The following IL1RAPL1 variants were observed in gnomAD, a reference collection of about 807,000 sequenced individuals.
IL1RAPL1 encodes the protein interleukin 1 receptor accessory protein like 1.
In IL1RAPL1, 3 loss-of-function variants were observed where a neutral mutation model predicts 48.4. The observed-to-expected ratio is 0.06, with a 90% CI of 0.03 to 0.16. The LOEUF (loss-of-function observed/expected upper bound fraction) is 0.16. Ranked by LOEUF, IL1RAPL1 falls within the 10% of genes least tolerant of loss-of-function variation. IL1RAPL1 has a pLI of 1.00. For missense variants in IL1RAPL1, 349 were observed against 530.6 expected (o/e 0.66, Z 3.36); for synonymous variants, 185 against 187.7 (o/e 0.99, Z 0.12).
In IL1RAPL1 at chrX:29,561,740, G is replaced by A. The variant is rs139664126; in HGVS notation, c.704-106690G>A. ...GGATCATTTTTTTCTCCCATGGTGC[G>A]TTGGGACCTCTCCCCTGGTCCCTGG... On this transcript the variant is annotated intron_variant, in intron 5 of 10. Coordinates refer to ENST00000378993, the MANE Select transcript of IL1RAPL1 (RefSeq NM_014271.4). Among the ~76,000 whole-genome samples, 76 of 111,185 alleles carry A rather than the reference G, an allele frequency of 6.8e-4. No homozygotes were observed. The East Asian group carries it at 6.9e-3, about 10-fold the overall frequency.
intron 2 of IL1RAPL1, among the ~76,000 whole-genome samples, chrX:29,073,212 A>T (rs1015127120): frequency 1.8e-5 from 2 of 112,359 alleles, no homozygotes; most frequent in African/African-American, 3.2e-5. Context: ...AATCTTAATC[A>T]TATTACATTA....
At chrX:29,658,643 C>T (rs1472443383) in intron 5 of IL1RAPL1, among the ~76,000 whole-genome samples, 6 of 111,777 alleles carry the variant, frequency 5.4e-5, no homozygotes, top group African/African-American at 2.0e-4. Flanking sequence ...ATAAGCAGGA[C>T]CCCGATTGTA....
chrX:28,867,461 C>T (rs1922104826), intron 2 of IL1RAPL1, among the ~76,000 whole-genome samples: 2 of 111,656 alleles, frequency 1.8e-5, no homozygotes, highest in African/African-American at 3.3e-5. Context: ...CTGGACTTTT[C>T]GCCTGCAGAC....
intron 5 of IL1RAPL1, among the ~76,000 whole-genome samples, chrX:29,406,125 C>T (rs924674547): frequency 3.6e-5 from 4 of 111,798 alleles, no homozygotes; most frequent in Non-Finnish European, 5.6e-5. Flanking sequence ...CACAGTGGCT[C>T]ACGCCTATAA....
chrX:29,044,463 A>G, intron 2 of IL1RAPL1, among the ~76,000 whole-genome samples: 1 of 110,679 alleles, frequency 9.0e-6, no homozygotes, highest in East Asian at 2.8e-4. Flanking sequence ...ATAAAAAGAT[A>G]TTTATGATGA....
intron 5 of IL1RAPL1, among the ~76,000 whole-genome samples, chrX:29,514,250 C>T (rs1482412178): frequency 1.8e-5 from 2 of 111,259 alleles, no homozygotes; most frequent in Non-Finnish European, 3.8e-5. Flanking sequence ...AATATTTGTC[C>T]TAACTTTTCC....
chrX:29,669,006 G>T (rs1926075664), intron 6 of IL1RAPL1, among the ~76,000 whole-genome samples: 1 of 111,420 alleles, frequency 9.0e-6, no homozygotes, highest in African/African-American at 3.3e-5. Context: ...ATGACCAAGT[G>T]ACTTTTGGTT....
intron 2 of IL1RAPL1, among the ~76,000 whole-genome samples, chrX:28,854,924 T>C: frequency 8.9e-6 from 1 of 111,809 alleles, no homozygotes; most frequent in East Asian, 2.8e-4. Flanking sequence ...CAAGAGTAAA[T>C]GGTTGTATTA....
At chrX:29,041,290 G>T (rs1926840486) in intron 2 of IL1RAPL1, among the ~76,000 whole-genome samples, 1 of 111,380 alleles carries the variant, frequency 9.0e-6, no homozygotes, top group African/African-American at 3.3e-5. Flanking sequence ...CAGGCAGGGG[G>T]GTGGAATTTA....
At chrX:29,302,615 C>A (rs942054449) in intron 3 of IL1RAPL1, among the ~76,000 whole-genome samples, 6 of 111,810 alleles carry the variant, frequency 5.4e-5, no homozygotes, top group African/African-American at 2.0e-4. Context: ...AGTTCATGGT[C>A]TTGGGGTACA....
intron 5 of IL1RAPL1, among the ~76,000 whole-genome samples, chrX:29,614,399 C>G (rs1160751770): frequency 8.9e-6 from 1 of 112,113 alleles, no homozygotes; most frequent in Non-Finnish European, 1.9e-5. Flanking sequence ...AAAGTAGTTT[C>G]TATTAAAAGT....
chrX:29,418,106 TATATA>T, intron 5 of IL1RAPL1, among the ~76,000 whole-genome samples: 1 of 40,299 alleles, frequency 2.5e-5, no homozygotes, highest in African/African-American at 9.5e-5. Context: ...TATATATATA[TATATA>T]TATATATATA....
At position 29,337,463 on chromosome X, in the gene IL1RAPL1, G is replaced by C. The variant is rs1416744793; in HGVS notation, c.362+54246G>C. The stretch of plus-strand genomic sequence containing the variant: ...AAATCAGTAGCAGTGAGGAAATATA[G>C]TACTAGCTAAAATAGGCGTCTTGCA... On this transcript the variant is annotated intron_variant, in intron 3 of 10. Transcript: ENST00000378993. 2.7e-5 allele frequency among the ~76,000 whole-genome samples: 3 copies of C among 111,326 alleles called. No individual in the cohort carries two copies. In the East Asian group the frequency reaches 8.4e-4, roughly 31 times the overall value.
At chrX:29,129,588 ATTTTTT>A (rs754196116) in intron 2 of IL1RAPL1, among the ~76,000 whole-genome samples, 1 of 59,870 alleles carries the variant, frequency 1.7e-5, no homozygotes, top group African/African-American at 6.9e-5. Flanking sequence ...AATAATGTAA[ATTTTTT>A]TTTTTTTTTT....
intron 2 of IL1RAPL1, among the ~76,000 whole-genome samples, chrX:28,938,787 G>T (rs1486453071): frequency 1.8e-5 from 2 of 110,716 alleles, no homozygotes; most frequent in African/African-American, 6.6e-5. Flanking sequence ...ATCTGACAAA[G>T]ATATAATATC....
At chrX:29,476,869 A>ATTTTTTTTTTT (rs1934980303) in intron 5 of IL1RAPL1, among the ~76,000 whole-genome samples, 1 of 49,341 alleles carries the variant, frequency 2.0e-5, no homozygotes, top group African/African-American at 1.9e-4. Context: ...TTTTACCCAT[A>ATTTTTTTTTTT]TTCTTTTTTT....
At chrX:29,471,412 C>G (rs1480070387) in intron 5 of IL1RAPL1, among the ~76,000 whole-genome samples, 14 of 111,203 alleles carry the variant, frequency 1.3e-4, no homozygotes, top group African/African-American at 4.3e-4. Context: ...TTTCATAGAA[C>G]TGGGTTTTAG....
At chrX:29,766,693 T>TTTATA (rs1928920558) in intron 6 of IL1RAPL1, among the ~76,000 whole-genome samples, 2 of 60,791 alleles carry the variant, frequency 3.3e-5, no homozygotes, top group African/African-American at 2.3e-4. Flanking sequence ...AAAGTATATA[T>TTTATA]TAATATATAA....
intron 5 of IL1RAPL1, among the ~76,000 whole-genome samples, chrX:29,418,125 ATT>A (rs1186251989): frequency 7.5e-4 from 20 of 26,700 alleles, no homozygotes; most frequent in South Asian, 5.7e-3. Context: ...ATATATATAT[ATT>A]TTTTTTTTTT....
Sources: gnomAD v4.1 joint callset for allele counts (sites outside exome capture counted in the v4.1 genomes callset) on GRCh38, gnomAD v4.1.1 for gene constraint, MANE v1.5 for transcripts, NCBI Gene and HGNC (gene_info 2026-07-23, HGNC 2026-07-21) for gene names.